The following CBR4 variants were observed in gnomAD, a reference collection of about 807,000 sequenced individuals.
The protein encoded by CBR4 is carbonyl reductase 4, also known as 3-oxoacyl-[acyl-carrier-protein] reductase.
Under a neutral mutation model 21.0 loss-of-function variants are expected in CBR4, and 22 were observed. The observed-to-expected ratio is 1.05, with a 90% CI of 0.75 to 1.50. The LOEUF is 1.50. Among genes scored for constraint, CBR4 ranks in the 40% most tolerant of loss-of-function variants. The probability of loss-of-function intolerance (pLI) is 0.00; values close to 1 mark genes in which losing one functional copy is unlikely to be tolerated. For missense variants in CBR4, 302 were observed against 286.3 expected, an observed-to-expected ratio of 1.05 and a Z score of -0.40; for synonymous variants, 100 against 104.4, an observed-to-expected ratio of 0.96 and a Z score of 0.26.
At chr4:168,952,750 G>A (rs556307204) in intron 2 of CBR4, among the ~76,000 whole-genome samples, 10 of 152,294 alleles carry the variant, frequency 6.6e-5, no homozygotes, top group African/African-American at 1.9e-4. Context: ...TTGTCTGCAC[G>A]AGTCCTGTGA....
chr4:168,989,961 C>CA lies in CBR4; in HGVS notation c.*188dup, dbSNP rs77665357. The CA allele has an allele frequency of 0.22, 184,961 of 836,370 alleles. 226 individuals carry two copies. Among genetic ancestry groups the CA allele is most frequent in the Non-Finnish European group, 0.24 (154,818 of 649,582 alleles). The allele number at this position is 836,370 out of a possible 1,614,324, so 51.8% of individuals were successfully genotyped here. A position where few individuals can be genotyped will look rare whatever the true frequency, so the allele number is the denominator to read the frequency against. On this transcript the variant is annotated 3_prime_UTR_variant, in exon 5 of 5. Transcript: ENST00000306193. The stretch of plus-strand genomic sequence containing the variant: ...AAAACAACACTGATGTAACTTAGAC[C>CA]AAAAAAAAAAAAACCACAATTTGTC...
rs748161189 is a variant in CBR4, at chr4:168,921,671, C to T, written n.170-26906G>A. ...TAGAGCCAGTCACGTCACGTGATGCCGGCATCTACACATGTATAGCTACCA... is the reference window on the plus strand; with the variant it reads ...TAGAGCCAGTCACGTCACGTGATGCTGGCATCTACACATGTATAGCTACCA... On this transcript the variant is annotated intron_variant and non_coding_transcript_variant, in intron 2 of 3. Coordinates refer to the CBR4 transcript ENST00000509108. 1.4e-5 allele frequency: 22 copies of T among 1,611,332 alleles called. No homozygotes were observed. The South Asian group carries it at 1.4e-4, about 10-fold the overall frequency.
chr4:168,927,715 A>T (rs2126634591), intron 2 of CBR4: 1 of 223,996 alleles, frequency 4.5e-6, no homozygotes, highest in South Asian at 1.8e-4. Context: ...CTCGGTAAAG[A>T]CTGCTTTTTG....
At chr4:168,951,892 T>A (rs1313087711) in intron 2 of CBR4, among the ~76,000 whole-genome samples, 3 of 152,216 alleles carry the variant, frequency 2.0e-5, no homozygotes, top group Non-Finnish European at 1.5e-5. Context: ...ACAATGTGCC[T>A]AGGTGATGAT....
chr4:168,958,921 T>C (rs935685273), intron 2 of CBR4, among the ~76,000 whole-genome samples: 7 of 152,230 alleles, frequency 4.6e-5, no homozygotes, highest in Admixed American at 4.6e-4. Flanking sequence ...GTCTGTTATA[T>C]ATTCTGGTCA....
chr4:168,911,054 A>G (rs765609652), intron 2 of CBR4, among the ~76,000 whole-genome samples: 2 of 152,208 alleles, frequency 1.3e-5, no homozygotes, highest in Non-Finnish European at 2.9e-5. Flanking sequence ...ATAATTTATG[A>G]TGTCACATAC....
chr4:169,010,227 C>G lies in CBR4; in HGVS notation c.-138G>C. On this transcript the variant is annotated 5_prime_UTR_variant, in exon 1 of 5. Transcript: ENST00000306193. ...CAAACCGCAAAAAAAAATAACGCCG[C>G]TCGACACCTCCTGCAGCCGCACAAT... 1.3e-6 allele frequency: 1 copy of G among 752,868 alleles called. No homozygotes were observed. Among genetic ancestry groups the G allele is most frequent in the Non-Finnish European group, 2.1e-6 (1 of 486,144 alleles). 46.6% of individuals were successfully genotyped at this position (752,868 alleles called of 1,614,324 possible).
intron 2 of CBR4, among the ~76,000 whole-genome samples, chr4:168,947,727 G>A (rs1445647231): frequency 6.6e-6 from 1 of 152,130 alleles, no homozygotes; most frequent in East Asian, 1.9e-4. Flanking sequence ...TTTTATGGCT[G>A]AGCAGTATTC....
At chr4:168,990,566 A>G (rs1764868610) in intron 4 of CBR4, among the ~76,000 whole-genome samples, 1 of 151,716 alleles carries the variant, frequency 6.6e-6, no homozygotes, top group South Asian at 2.1e-4. Context: ...CCTCCCAAGT[A>G]GCTGGGACTA....
At chr4:169,008,440 T>C (rs1185043648) in intron 1 of CBR4, among the ~76,000 whole-genome samples, 2 of 152,260 alleles carry the variant, frequency 1.3e-5, no homozygotes, top group Non-Finnish European at 2.9e-5. Flanking sequence ...TCTACCATTT[T>C]AATACTCTAA....
chr4:169,009,748 C>A (rs977784473), intron 1 of CBR4, among the ~76,000 whole-genome samples, 200 bp downstream of exon 1: 1 of 152,250 alleles, frequency 6.6e-6, no homozygotes, highest in Non-Finnish European at 1.5e-5. Flanking sequence ...GCTGCGTGGC[C>A]GGCATTCTGC....
intron 2 of CBR4, chr4:168,903,803 A>G: frequency 6.2e-7 from 1 of 1,610,868 alleles, no homozygotes; most frequent in Non-Finnish European, 8.5e-7. Flanking sequence ...AAGAGTGATC[A>G]CTACACCATT....
At chr4:168,922,098 T>TACACACAC (rs1351389289) in intron 2 of CBR4, among the ~76,000 whole-genome samples, 131 of 107,612 alleles carry the variant, frequency 1.2e-3, no homozygotes, top group African/African-American at 4.0e-3. Context: ...TATATATATA[T>TACACACAC]ATATACACAC....
chr4:169,009,059 C>CAA lies in CBR4; in HGVS notation c.142+887_142+888dup, dbSNP rs34403282. On this transcript the variant is annotated intron_variant, in intron 1 of 4. Coordinates refer to ENST00000306193, the MANE Select transcript of CBR4 (RefSeq NM_032783.5). The stretch of plus-strand genomic sequence containing the variant: ...CGGGCAACATAATGGGAAGCCCTCT[C>CAA]AAAAAAAAAAAAAAAAAACCAGATA... 6.0e-3 allele frequency: 2,132 copies of CAA among 357,036 alleles called. 4 individuals carry two copies. The highest frequency in any genetic ancestry group is 7.9e-3 in the South Asian group (406 of 51,126). 22.1% of individuals were successfully genotyped at this position (357,036 alleles called of 1,614,324 possible).
Position 168,989,824 on chromosome 4 carries a change from G to C in CBR4, c.*326C>G, listed in dbSNP as rs986417881. 2.0e-6 allele frequency: 2 copies of C among 1,011,380 alleles called. No homozygotes were observed. Among genetic ancestry groups the C allele is most frequent in the African/African-American group, 3.4e-5 (2 of 58,358 alleles). 62.7% of individuals were successfully genotyped at this position (1,011,380 alleles called of 1,614,324 possible). A position where few individuals can be genotyped will look rare whatever the true frequency, so the allele number is the denominator to read the frequency against. On this transcript the variant is annotated 3_prime_UTR_variant, in exon 5 of 5. Transcript: ENST00000306193. ...ACACATCCTTTAGAAAACACAATTTGTCTGGGGGGATGATTGCACATGTAT... is the reference window on the plus strand; with the variant it reads ...ACACATCCTTTAGAAAACACAATTTCTCTGGGGGGATGATTGCACATGTAT...
intron 2 of CBR4, among the ~76,000 whole-genome samples, chr4:168,958,606 G>C (rs143711113): frequency 1.3e-5 from 2 of 152,264 alleles, no homozygotes; most frequent in Admixed American, 6.5e-5. Context: ...TGAATTTTAT[G>C]TTAAGTTTAT....
chr4:168,975,424 A>T (rs1182189714), intron 2 of CBR4, among the ~76,000 whole-genome samples: 1 of 152,168 alleles, frequency 6.6e-6, no homozygotes, highest in Non-Finnish European at 1.5e-5. Context: ...CAGGACCTCT[A>T]GTTAGCTAGG....
chr4:169,001,945 TTTGA>T (rs1371030874), intron 4 of CBR4, 122 bp downstream of exon 4: 3 of 973,322 alleles, frequency 3.1e-6, no homozygotes, highest in East Asian at 3.0e-5. Context: ...CAGTTCATTA[TTTGA>T]TTCTTTTCAC....
At chr4:168,940,053 C>T (rs1763219923) in intron 2 of CBR4, among the ~76,000 whole-genome samples, 2 of 152,000 alleles carry the variant, frequency 1.3e-5, no homozygotes, top group African/African-American at 4.8e-5. Context: ...TATAATGCTA[C>T]AGTAATAAAA....
Sources: gnomAD v4.1 joint callset for allele counts (sites outside exome capture counted in the v4.1 genomes callset) on GRCh38, gnomAD v4.1.1 for gene constraint, MANE v1.5 for transcripts, NCBI Gene and HGNC (gene_info 2026-07-23, HGNC 2026-07-21) for gene names.